MCC: variants seen among roughly 807,000 people sequenced by gnomAD.
The protein encoded by MCC is colorectal mutant cancer protein.
In MCC, 90 loss-of-function variants were observed where a neutral mutation model predicts 116.2. That is an observed-to-expected ratio of 0.77 (90% confidence interval 0.65 to 0.92). The LOEUF is 0.92. Ranked by LOEUF, MCC falls within the 40% of genes least tolerant of loss-of-function variation. MCC has a pLI of 0.00. For synonymous variants in MCC, 578 were observed against 510.5 expected (o/e 1.13, Z -1.78); for missense variants, 1,516 against 1,312.2 (o/e 1.16, Z -2.40).
chr5:113,440,109 T>C (rs1042239129), intron 1 of MCC, among the ~76,000 whole-genome samples: 19 of 152,192 alleles, frequency 1.2e-4, no homozygotes, highest in African/African-American at 4.6e-4. Flanking sequence ...GCTGCTTTAG[T>C]GCATACCCTC....
intron 3 of MCC, among the ~76,000 whole-genome samples, chr5:113,279,071 G>C (rs1765936109): frequency 6.6e-6 from 1 of 152,200 alleles, no homozygotes; most frequent in Admixed American, 6.5e-5. Context: ...GTTTTTGATA[G>C]TCAGATGTGC....
intron 3 of MCC, chr5:113,294,309 C>T (rs749426392): frequency 8.1e-6 from 13 of 1,613,476 alleles, no homozygotes; most frequent in East Asian, 2.2e-5. Flanking sequence ...CCCTAGCTCC[C>T]GACCTCAGCT....
intron 5 of MCC, among the ~76,000 whole-genome samples, chr5:113,138,816 T>G (rs1759004060): frequency 6.6e-6 from 1 of 152,212 alleles, no homozygotes; most frequent in South Asian, 2.1e-4. Flanking sequence ...TATAAGTACC[T>G]GCCATTCTCT....
rs1753420548 is a variant in MCC, at chr5:113,064,116, T to C, written c.2081A>G (p.Asp694Gly). ...NITQMLKRAH[D>G]CRKTAENAAK... The stretch of plus-strand genomic sequence containing the variant: ...AGCGTTCTCAGCTGTCTTCCGGCAG[T>C]CATGAGCTCGCTTGAGCATCTGAGT... The change falls in exon 14 of 19, where the codon GAC becomes GGC. Residue 694 changes from aspartate (D) to glycine (G), a missense_variant. Transcript: ENST00000408903. 1 of 1,614,120 alleles carries C rather than the reference T, an allele frequency of 6.2e-7. No homozygotes were observed.
At chr5:113,381,604 T>G (rs138068810) in intron 2 of MCC, among the ~76,000 whole-genome samples, 1 of 151,950 alleles carries the variant, frequency 6.6e-6, no homozygotes, top group Non-Finnish European at 1.5e-5. Flanking sequence ...CTGGACAACA[T>G]AGTGAAACCC....
Position 113,460,563 on chromosome 5 carries a change from G to C in MCC, c.170+27682C>G, listed in dbSNP as rs545383140. On this transcript the variant is annotated intron_variant, in intron 1 of 18. Coordinates refer to ENST00000408903, the MANE Select transcript of MCC (RefSeq NM_001085377.2). ...TCCCCATTACAAGCTGTGGGGAACTGTGTGGGCCTGCAGATTGCTCAGGGC... is the reference window on the plus strand; with the variant it reads ...TCCCCATTACAAGCTGTGGGGAACTCTGTGGGCCTGCAGATTGCTCAGGGC... Among the ~76,000 whole-genome samples the C allele has an allele frequency of 4.6e-5, 7 of 152,326 alleles. No individual in the cohort carries two copies. The East Asian group carries it at 5.8e-4, about 13-fold the overall frequency.
chr5:113,268,890 C>G (rs912637913), intron 3 of MCC, among the ~76,000 whole-genome samples: 4 of 152,138 alleles, frequency 2.6e-5, no homozygotes, highest in Non-Finnish European at 4.4e-5. Flanking sequence ...CAATGGTATC[C>G]TGACTGGTTA....
intron 3 of MCC, among the ~76,000 whole-genome samples, chr5:113,299,691 T>C (rs1013818907): frequency 6.6e-6 from 1 of 152,234 alleles, no homozygotes; most frequent in African/African-American, 2.4e-5. Context: ...AATCCTGTTA[T>C]ACTGTGGCTG....
At chr5:113,053,703 A>G (rs1397386814) in intron 15 of MCC, 22 bp downstream of exon 15, 2 of 1,569,766 alleles carry the variant, frequency 1.3e-6, no homozygotes, top group African/African-American at 1.4e-5. Flanking sequence ...AGCCTAGCAC[A>G]TGGGACCCAC....
At chr5:113,398,598 T>A (rs970218872) in intron 1 of MCC, among the ~76,000 whole-genome samples, 2 of 152,164 alleles carry the variant, frequency 1.3e-5, no homozygotes, top group Non-Finnish European at 2.9e-5. Context: ...AAATACCACA[T>A]GTTCTCACTT....
At chr5:113,072,536 C>T (rs1350669357) in intron 11 of MCC, among the ~76,000 whole-genome samples, 3 of 152,212 alleles carry the variant, frequency 2.0e-5, no homozygotes, top group African/African-American at 7.2e-5. Flanking sequence ...TCAGACAACA[C>T]CCCACTGATC....
intron 3 of MCC, among the ~76,000 whole-genome samples, chr5:113,259,204 C>T (rs1765131342): frequency 6.6e-6 from 1 of 152,196 alleles, no homozygotes; most frequent in Non-Finnish European, 1.5e-5. Context: ...TCTACAGGAA[C>T]CAAAGTGACT....
chr5:113,283,632 C>G (rs558575170), intron 3 of MCC, among the ~76,000 whole-genome samples: 1 of 152,260 alleles, frequency 6.6e-6, no homozygotes, highest in African/African-American at 2.4e-5. Context: ...AGCAAACCAG[C>G]CAAAGAGTAA....
rs1561598717 is a variant in MCC at position 113,488,377 on chromosome 5, G to GAGCTCCCCGCAGCCGCTGCCGC, written c.16_37dup (p.Ser13CysfsTer54). The GAGCTCCCCGCAGCCGCTGCCGC allele has an allele frequency of 6.8e-7, 1 of 1,466,020 alleles. No individual in the cohort carries two copies. Among genetic ancestry groups the GAGCTCCCCGCAGCCGCTGCCGC allele is most frequent in the Non-Finnish European group, 9.0e-7 (1 of 1,110,972 alleles). 90.8% of individuals were successfully genotyped at this position (1,466,020 alleles called of 1,614,324 possible). On this transcript the variant is annotated frameshift_variant, in exon 1 of 19. Coordinates refer to ENST00000408903, the MANE Select transcript of MCC (RefSeq NM_001085377.2). LOFTEE classifies it high-confidence loss of function. ...GCCGCCGCCGCCGCCGCCGCTGCTGGAGCTCCCCGCAGCCGCTGCCGCCGC... is the reference window on the plus strand; with the variant it reads ...GCCGCCGCCGCCGCCGCCGCTGCTGGAGCTCCCCGCAGCCGCTGCCGCAGCTCCCCGCAGCCGCTGCCGCCGC...
At chr5:113,115,997 T>C (rs1374018948) in intron 6 of MCC, among the ~76,000 whole-genome samples, 1 of 152,172 alleles carries the variant, frequency 6.6e-6, no homozygotes, top group Non-Finnish European at 1.5e-5. Flanking sequence ...CTCTCTGTCA[T>C]CACTGACCAC....
chr5:113,114,410 C>T (rs1273014564), intron 6 of MCC, among the ~76,000 whole-genome samples: 2 of 152,190 alleles, frequency 1.3e-5, no homozygotes, highest in Non-Finnish European at 2.9e-5. Context: ...TCACCAAGTA[C>T]ACAGGCACAA....
chr5:113,187,148 T>A (rs1761932729), intron 3 of MCC, among the ~76,000 whole-genome samples: 1 of 152,188 alleles, frequency 6.6e-6, no homozygotes, highest in South Asian at 2.1e-4. Flanking sequence ...CCACTCCTCA[T>A]ATGCCCCATC....
At chr5:113,142,311 T>C (rs537131545) in intron 5 of MCC, among the ~76,000 whole-genome samples, 36 of 151,950 alleles carry the variant, frequency 2.4e-4, no homozygotes, top group African/African-American at 8.4e-4. Context: ...TCCAAAAAGG[T>C]AGGTGCCAGC....
rs1479230615 is a variant in MCC, at chr5:113,488,241, G to A, written c.170+4C>T. ...TGTCGGTTTCCTCGTACCTCCCCGC[G>A]TACCTGCTGATGTATCCGTCCCCGT... On this transcript the variant is annotated splice_donor_region_variant and intron_variant, in intron 1 of 18. Transcript: ENST00000408903. The A allele has an allele frequency of 6.3e-7, 1 of 1,588,428 alleles. No individual in the cohort carries two copies. The highest frequency in any genetic ancestry group is 1.1e-5 in the South Asian group (1 of 89,732).
Sources: gnomAD v4.1 joint callset for allele counts (sites outside exome capture counted in the v4.1 genomes callset) on GRCh38, gnomAD v4.1.1 for gene constraint, MANE v1.5 for transcripts, NCBI Gene and HGNC (gene_info 2026-07-23, HGNC 2026-07-21) for gene names.